PALM2AKAP2: variants seen among roughly 807,000 people sequenced by gnomAD.
PALM2AKAP2 encodes the protein PALM2 and AKAP2 fusion.
A neutral mutation model predicts 71.5 loss-of-function variants in PALM2AKAP2; 37 were observed. The observed-to-expected ratio is 0.52, with a 90% confidence interval of 0.40 to 0.68. The LOEUF (loss-of-function observed/expected upper bound fraction) is 0.68. Ranked by LOEUF, PALM2AKAP2 falls within the 30% of genes least tolerant of loss-of-function variation. The pLI, the probability that PALM2AKAP2 is intolerant of heterozygous loss-of-function variation, is 0.00. For synonymous variants in PALM2AKAP2, 468 were observed against 478.8 expected (o/e 0.98, Z 0.29); for missense variants, 1,224 against 1,191.8 (o/e 1.03, Z -0.40).
chr9:110,036,757 C>T (rs1158464908), intron 7 of PALM2AKAP2, among the ~76,000 whole-genome samples: 1 of 152,140 alleles, frequency 6.6e-6, no homozygotes, highest in Non-Finnish European at 1.5e-5. Context: ...CTCACCCCTC[C>T]TTTCTCAGCT....
chr9:109,833,966 A>G lies in PALM2AKAP2; in HGVS notation c.46-33525A>G, dbSNP rs1012051444. On this transcript the variant is annotated intron_variant, in intron 1 of 9. Transcript: ENST00000302798. ...AGTGGCTCACGCCTATAAACCCAGG[A>G]CTTCGGGAGGCCAAGGCGGGCAGAT... Among the ~76,000 whole-genome samples, 5 of 152,218 alleles carry G rather than the reference A, an allele frequency of 3.3e-5. No individual in the cohort carries two copies. The East Asian group carries it at 9.6e-4, about 29-fold the overall frequency.
At chr9:109,938,565 A>T (rs747494875) in intron 6 of PALM2AKAP2, among the ~76,000 whole-genome samples, 2 of 152,172 alleles carry the variant, frequency 1.3e-5, no homozygotes, top group Non-Finnish European at 2.9e-5. Context: ...GGAATATTGG[A>T]AGAATAGTGT....
chr9:110,127,078 G>C (rs1025816535), intron 1 of PALM2AKAP2, among the ~76,000 whole-genome samples: 2 of 152,178 alleles, frequency 1.3e-5, no homozygotes, highest in Admixed American at 6.5e-5. Context: ...GAGAATAGCA[G>C]AACAGTGATT....
At chr9:109,825,082 A>T (rs1297971761) in intron 1 of PALM2AKAP2, among the ~76,000 whole-genome samples, 1 of 152,224 alleles carries the variant, frequency 6.6e-6, no homozygotes, top group African/African-American at 2.4e-5. Flanking sequence ...GAAACAAGAC[A>T]CCTTGCAAAA....
intron 1 of PALM2AKAP2, among the ~76,000 whole-genome samples, chr9:109,663,986 T>A (rs974758055): frequency 5.3e-5 from 8 of 152,232 alleles, no homozygotes; most frequent in African/African-American, 1.9e-4. Context: ...TAAAGTCTGT[T>A]TTATCAGAGA....
At chr9:109,939,276 A>G (rs1229518259) in intron 6 of PALM2AKAP2, among the ~76,000 whole-genome samples, 3 of 152,144 alleles carry the variant, frequency 2.0e-5, no homozygotes, top group Non-Finnish European at 2.9e-5. Context: ...ACTTTTCATC[A>G]TCATCTCTCC....
chr9:110,059,973 A>G (rs1016655862), intron 1 of PALM2AKAP2, among the ~76,000 whole-genome samples: 3 of 152,240 alleles, frequency 2.0e-5, no homozygotes, highest in South Asian at 4.1e-4. Flanking sequence ...TTTAAAATAT[A>G]TCAGTCTTAA....
intron 1 of PALM2AKAP2, among the ~76,000 whole-genome samples, chr9:109,845,174 C>G (rs1458349711): frequency 6.6e-6 from 1 of 152,188 alleles, no homozygotes; most frequent in East Asian, 1.9e-4. Context: ...GAGGCACTGA[C>G]CTGAAAGGGA....
In PALM2AKAP2 at chr9:109,667,937, T is replaced by TGCATATAGAGGAAAACTTAATTTGC. The variant is rs1827514398; in HGVS notation, c.5+27071_5+27072insGCATATAGAGGAAAACTTAATTTGC. ...GAAAATGATGGCTTTGGTTTTTTTT[T>TGCATATAGAGGAAAACTTAATTTGC]TTTTTTTTTTTTTTTTTGAGACGGA... is the stretch of plus-strand genomic sequence containing the variant. On this transcript the variant is annotated intron_variant, in intron 1 of 6. Coordinates refer to the PALM2AKAP2 transcript ENST00000374531. Among the ~76,000 whole-genome samples the TGCATATAGAGGAAAACTTAATTTGC allele has an allele frequency of 4.8e-4, 19 of 39,726 alleles. 3 individuals are homozygous for TGCATATAGAGGAAAACTTAATTTGC. The highest frequency in any genetic ancestry group is 2.7e-3 in the African/African-American group (13 of 4,894). The allele number at this position is 39,726 out of a possible 152,430, so 26.1% of individuals were successfully genotyped here.
intron 1 of PALM2AKAP2, among the ~76,000 whole-genome samples, chr9:109,692,057 G>A (rs1424123940): frequency 3.6e-4 from 53 of 148,322 alleles, no homozygotes; most frequent in Non-Finnish European, 3.0e-5. Flanking sequence ...TTATCTCTAA[G>A]TATTTAAATT....
At chr9:110,031,021 C>T (rs534458160) in intron 7 of PALM2AKAP2, among the ~76,000 whole-genome samples, 2 of 152,344 alleles carry the variant, frequency 1.3e-5, no homozygotes, top group East Asian at 3.8e-4. Flanking sequence ...CCAGCAGCTG[C>T]AGTTCCCACT....
At chr9:109,907,492 GC>G (rs1162210836) in intron 3 of PALM2AKAP2, among the ~76,000 whole-genome samples, 2 of 152,194 alleles carry the variant, frequency 1.3e-5, no homozygotes, top group African/African-American at 4.8e-5. Flanking sequence ...TCTGCCAGAT[GC>G]CTTGATCTCT....
At chr9:109,872,635 T>C (rs995427639) in intron 2 of PALM2AKAP2, among the ~76,000 whole-genome samples, 15 of 152,196 alleles carry the variant, frequency 9.9e-5, no homozygotes, top group African/African-American at 3.4e-4. Flanking sequence ...AGCCTTTTCT[T>C]CCAAGAAAGC....
intron 2 of PALM2AKAP2, among the ~76,000 whole-genome samples, chr9:109,870,402 G>A (rs993332783): frequency 6.6e-6 from 1 of 152,166 alleles, no homozygotes; most frequent in African/African-American, 2.4e-5. Flanking sequence ...CATTCGTGGA[G>A]GTTATATTTT....
chr9:109,910,221 G>A (rs1830538013), intron 3 of PALM2AKAP2, among the ~76,000 whole-genome samples: 1 of 152,194 alleles, frequency 6.6e-6, no homozygotes, highest in Admixed American at 6.5e-5. Flanking sequence ...CTCCTAAGTA[G>A]AATGGATTAA....
chr9:110,078,062 A>G (rs999936640), intron 1 of PALM2AKAP2, among the ~76,000 whole-genome samples: 3 of 152,104 alleles, frequency 2.0e-5, no homozygotes, highest in African/African-American at 7.2e-5. Flanking sequence ...CTTGCAGGCC[A>G]TATGGTCTCT....
At chr9:109,831,469 T>C (rs1187448577) in intron 1 of PALM2AKAP2, among the ~76,000 whole-genome samples, 1 of 152,194 alleles carries the variant, frequency 6.6e-6, no homozygotes, top group Middle Eastern at 3.2e-3. Context: ...GTTGTGTGGA[T>C]ACCTATTCAG....
At chr9:109,855,614 C>T (rs1829141922) in intron 1 of PALM2AKAP2, among the ~76,000 whole-genome samples, 1 of 152,182 alleles carries the variant, frequency 6.6e-6, no homozygotes, top group Non-Finnish European at 1.5e-5. Flanking sequence ...TAAAGTCAGA[C>T]AATCACTATA....
intron 1 of PALM2AKAP2, among the ~76,000 whole-genome samples, chr9:110,085,897 A>G (rs1834561011): frequency 1.3e-5 from 2 of 152,158 alleles, no homozygotes; most frequent in Admixed American, 6.5e-5. Context: ...ACCTGAGGTC[A>G]GGAGTTTGAG....
Sources: gnomAD v4.1 joint callset for allele counts (sites outside exome capture counted in the v4.1 genomes callset) on GRCh38, gnomAD v4.1.1 for gene constraint, MANE v1.5 for transcripts, NCBI Gene and HGNC (gene_info 2026-07-23, HGNC 2026-07-21) for gene names.